Variants in FGF14 observed in about 807,000 individuals in gnomAD.
The protein encoded by FGF14 is fibroblast growth factor 14.
FGF14 carries 5 observed loss-of-function variants against 25.5 expected under a neutral mutation model. The ratio of observed to expected loss-of-function variants is 0.20; its 90% CI spans 0.10 to 0.41. The LOEUF is 0.41. FGF14 is among the 10% of genes least tolerant of loss of function. FGF14 has a pLI of 1.00. For synonymous variants in FGF14, 138 were observed against 118.3 expected, an observed-to-expected ratio of 1.17 and a Z score of -1.08; for missense variants, 222 against 320.1, an observed-to-expected ratio of 0.69 and a Z score of 2.34.
intron 1 of FGF14, among the ~76,000 whole-genome samples, chr13:102,109,684 G>A (rs530953346): frequency 2.0e-5 from 3 of 152,120 alleles, no homozygotes; most frequent in South Asian, 4.2e-4. Context: ...GCAGTGGCGC[G>A]ATTTTGGTTC....
intron 1 of FGF14, among the ~76,000 whole-genome samples, chr13:102,192,061 C>A (rs1045306020): frequency 6.6e-6 from 1 of 152,170 alleles, no homozygotes; most frequent in Admixed American, 6.5e-5. Context: ...TTTTACACAG[C>A]CCTGTCTCCA....
At chr13:102,165,200 C>A (rs1036640458) in intron 1 of FGF14, among the ~76,000 whole-genome samples, 2 of 151,992 alleles carry the variant, frequency 1.3e-5, no homozygotes, top group Admixed American at 6.6e-5. Flanking sequence ...AATAGGAACA[C>A]TTTTACACTG....
At chr13:102,228,009 A>T (rs1265841645) in intron 1 of FGF14, among the ~76,000 whole-genome samples, 3 of 152,186 alleles carry the variant, frequency 2.0e-5, no homozygotes, top group Non-Finnish European at 4.4e-5. Flanking sequence ...GATACTCTTC[A>T]TTCCTCATTG....
intron 1 of FGF14, among the ~76,000 whole-genome samples, chr13:102,235,015 C>T (rs2051266251): frequency 6.6e-6 from 1 of 152,184 alleles, no homozygotes; most frequent in Non-Finnish European, 1.5e-5. Flanking sequence ...ATCTGTCATA[C>T]TGAGAGCTCC....
intron 1 of FGF14, among the ~76,000 whole-genome samples, chr13:101,952,574 TA>T: frequency 6.6e-6 from 1 of 152,340 alleles, no homozygotes; most frequent in African/African-American, 2.4e-5. Context: ...CATAGGTAGT[TA>T]AGGGCATCAC....
rs1483195038 is a variant in FGF14 at position 101,720,719 on chromosome 13, CTAATA to C, written c.*2107_*2111del. 6.6e-6 allele frequency: 1 copy of C among 151,318 alleles called. No individual in the cohort carries two copies. The highest frequency in any genetic ancestry group is 1.9e-4 in the East Asian group (1 of 5,176). 9.4% of individuals were successfully genotyped at this position (151,318 alleles called of 1,614,324 possible). On this transcript the variant is annotated 3_prime_UTR_variant, in exon 5 of 5. Transcript: ENST00000376143. ...AAAATAATTGGTTAATGGAAGTTATCTAATATATTTTAACTGTTCCTGTTAAAAAC... is the reference window on the plus strand; with the variant it reads ...AAAATAATTGGTTAATGGAAGTTATCTATTTTAACTGTTCCTGTTAAAAAC...
rs115020544 is a variant in FGF14 at position 102,208,936 on chromosome 13, T to C, written c.208+192535A>G. Among the ~76,000 whole-genome samples, 740 of 152,334 alleles carry C rather than the reference T, an allele frequency of 4.9e-3. 10 individuals carry two copies. Among genetic ancestry groups the C allele is most frequent in the African/African-American group, 0.017 (708 of 41,572 alleles). On this transcript the variant is annotated intron_variant, in intron 1 of 4. Transcript: ENST00000376131. ...GCTCGTTGTATTATTTCTACCCAAATTTAAATGATTCTTTTCACTCCCTCC... is the reference window on the plus strand; with the variant it reads ...GCTCGTTGTATTATTTCTACCCAAACTTAAATGATTCTTTTCACTCCCTCC...
chr13:101,892,153 A>G (rs986265151), intron 1 of FGF14, among the ~76,000 whole-genome samples: 1 of 152,206 alleles, frequency 6.6e-6, no homozygotes, highest in Non-Finnish European at 1.5e-5. Flanking sequence ...ACACAATCCA[A>G]AGATGCAAAA....
rs199709782 is a variant in FGF14 at position 102,142,646 on chromosome 13, G to A, written c.208+258825C>T. Among the ~76,000 whole-genome samples the A allele has an allele frequency of 2.0e-5, 3 of 152,282 alleles. No individual in the cohort carries two copies. The East Asian group carries it at 5.8e-4, about 29-fold the overall frequency. ...CCTCTAAGGTAGAAAGGGTAGCAAG[G>A]TGAATGGCATGATGAGGAAAGTGAA... On this transcript the variant is annotated intron_variant, in intron 1 of 4. Transcript: ENST00000376131.
intron 1 of FGF14, among the ~76,000 whole-genome samples, chr13:101,902,635 G>A (rs1253136126): frequency 1.3e-5 from 2 of 152,178 alleles, no homozygotes; most frequent in African/African-American, 4.8e-5. Flanking sequence ...GCAAGCGCCA[G>A]TAAGTGCAGA....
At chr13:101,824,250 T>A (rs931240696) in intron 3 of FGF14, among the ~76,000 whole-genome samples, 1 of 152,232 alleles carries the variant, frequency 6.6e-6, no homozygotes, top group Non-Finnish European at 1.5e-5. Flanking sequence ...TTCCTTGCAA[T>A]TTTTTGGTTG....
intron 3 of FGF14, among the ~76,000 whole-genome samples, chr13:101,847,274 T>C (rs1403605669): frequency 6.6e-6 from 1 of 152,032 alleles, no homozygotes; most frequent in Non-Finnish European, 1.5e-5. Context: ...CTGTCAGTGA[T>C]CACTGCCTCT....
At chr13:101,985,732 C>A (rs1005738216) in intron 1 of FGF14, among the ~76,000 whole-genome samples, 2 of 152,060 alleles carry the variant, frequency 1.3e-5, no homozygotes, top group Non-Finnish European at 2.9e-5. Context: ...AATTTGTGAA[C>A]AATAATTGCT....
chr13:102,122,808 T>G (rs1325979565), intron 1 of FGF14, among the ~76,000 whole-genome samples: 1 of 152,204 alleles, frequency 6.6e-6, no homozygotes, highest in African/African-American at 2.4e-5. Flanking sequence ...TACTTCATAT[T>G]TATTAAAGCA....
At chr13:102,179,338 CT>C (rs1231768187) in intron 1 of FGF14, among the ~76,000 whole-genome samples, 1 of 152,100 alleles carries the variant, frequency 6.6e-6, no homozygotes, top group Admixed American at 6.6e-5. Context: ...TCTTCAGTCA[CT>C]TCGTTCACTC....
intron 3 of FGF14, among the ~76,000 whole-genome samples, chr13:101,814,103 C>A (rs1228094868): frequency 6.6e-6 from 1 of 152,174 alleles, no homozygotes; most frequent in Non-Finnish European, 1.5e-5. Context: ...AGTAGACAGA[C>A]AACTAAATAT....
intron 1 of FGF14, among the ~76,000 whole-genome samples, chr13:102,379,413 TACAC>T (rs34770707): frequency 4.0e-4 from 60 of 149,936 alleles, no homozygotes; most frequent in African/African-American, 1.1e-3. Context: ...GATATACACA[TACAC>T]ACACACACAC....
At chr13:102,122,892 TA>T (rs372437342) in intron 1 of FGF14, among the ~76,000 whole-genome samples, 2 of 152,128 alleles carry the variant, frequency 1.3e-5, no homozygotes, top group South Asian at 4.1e-4. Flanking sequence ...AGAGAAAGTG[TA>T]AAAAAATTGC....
At chr13:101,955,995 T>TGAA (rs1257121290) in intron 1 of FGF14, among the ~76,000 whole-genome samples, 1 of 152,222 alleles carries the variant, frequency 6.6e-6, no homozygotes, top group African/African-American at 2.4e-5. Context: ...TTCATTTAAG[T>TGAA]ATTTGGCAAG....
Sources: gnomAD v4.1 joint callset for allele counts (sites outside exome capture counted in the v4.1 genomes callset) on GRCh38, gnomAD v4.1.1 for gene constraint, MANE v1.5 for transcripts, NCBI Gene and HGNC (gene_info 2026-07-23, HGNC 2026-07-21) for gene names.